Variants in ABCA10 observed in about 807,000 individuals in gnomAD.
ABCA10 encodes the protein ATP-binding cassette sub-family A member 10.
Under a neutral mutation model 187.5 loss-of-function variants are expected in ABCA10, and 169 were observed. The ratio of observed to expected loss-of-function variants is 0.90; its 90% confidence interval spans 0.80 to 1.02. ABCA10 has a LOEUF of 1.02. Ranked by LOEUF, ABCA10 falls within the 50% of genes least tolerant of loss-of-function variation. The probability of loss-of-function intolerance (pLI) is 0.00; values close to 1 mark genes in which losing one functional copy is unlikely to be tolerated. For synonymous variants in ABCA10, 574 were observed against 601.8 expected (o/e 0.95, Z 0.68); for missense variants, 1,727 against 1,812.4 (o/e 0.95, Z 0.86).
At chr17:69,159,557 C>T (rs1216966880) in intron 27 of ABCA10, among the ~76,000 whole-genome samples, 3 of 152,080 alleles carry the variant, frequency 2.0e-5, no homozygotes, top group Non-Finnish European at 4.4e-5. Flanking sequence ...GGAGAGGATT[C>T]ATCACTCAGA....
chr17:69,239,497 C>T (rs910271493), intron 1 of ABCA10, among the ~76,000 whole-genome samples: 1 of 152,124 alleles, frequency 6.6e-6, no homozygotes, highest in African/African-American at 2.4e-5. Context: ...CTTTCTCAGA[C>T]TGTTATTTAA....
At chr17:69,159,853 T>TCTTCAACAAG (rs1357057241) in intron 27 of ABCA10, among the ~76,000 whole-genome samples, 3 of 152,104 alleles carry the variant, frequency 2.0e-5, no homozygotes, top group Admixed American at 2.0e-4. Context: ...CTCCCATATA[T>TCTTCAACAAG]GCTCAAATAA....
intron 9 of ABCA10, among the ~76,000 whole-genome samples, chr17:69,209,688 G>T (rs1044459785): frequency 3.4e-5 from 5 of 145,622 alleles, no homozygotes; most frequent in African/African-American, 1.3e-4. Context: ...GTACAGTCAC[G>T]TGTCACTGAA....
In ABCA10 at chr17:69,148,687, A is replaced by C. The variant is rs2074106350; in HGVS notation, c.*140T>G. ...TTGTTTCCTTCATCCTAAATTTTTAAAAATGAAAACTGTAATCATTATTGA... is the reference window on the plus strand; with the variant it reads ...TTGTTTCCTTCATCCTAAATTTTTACAAATGAAAACTGTAATCATTATTGA... On this transcript the variant is annotated 3_prime_UTR_variant, in exon 39 of 39. Coordinates refer to ENST00000690296, the MANE Select transcript of ABCA10 (RefSeq NM_001377321.1). 5.2e-6 allele frequency: 4 copies of C among 763,364 alleles called. No homozygotes were observed. The South Asian group carries it at 8.9e-5, about 17-fold the overall frequency. 47.3% of individuals were successfully genotyped at this position (763,364 alleles called of 1,614,324 possible).
At chr17:69,242,781 A>ACTAT (rs574382866) in intron 1 of ABCA10, among the ~76,000 whole-genome samples, 7 of 152,330 alleles carry the variant, frequency 4.6e-5, no homozygotes, top group African/African-American at 1.7e-4. Flanking sequence ...AGCACGTTAT[A>ACTAT]CTATAGTCAC....
rs748959919 is a variant in ABCA10 at position 69,185,478 on chromosome 17, T to C, written c.2496A>G (p.Thr832=). 3.7e-6 allele frequency: 6 copies of C among 1,610,744 alleles called. No homozygotes were observed. Among genetic ancestry groups the C allele is most frequent in the South Asian group, 3.3e-5 (3 of 90,658 alleles). ...CTAAATTTCAGCCCCATTTCTCACC[T>C]GTATTATTAACGATTAACAGGCTGG... is the stretch of plus-strand genomic sequence containing the variant. ...PLTSLLIVNN[T]GSNIEDLVHS... is the part of the protein sequence containing the mutation. Residue 832 remains threonine, a splice_region_variant and synonymous_variant, in exon 20 of 39, where the codon ACA becomes ACG. Transcript: ENST00000690296.
chr17:69,174,429 A>C (rs2074318667), intron 24 of ABCA10, 35 bp from the exon 25 acceptor site: 1 of 1,526,384 alleles, frequency 6.6e-7, no homozygotes, highest in South Asian at 1.2e-5. Flanking sequence ...AAGATTAGAA[A>C]TGGCAGGTCA....
chr17:69,156,767 A>G, intron 28 of ABCA10, 65 bp downstream of exon 28: 1 of 1,019,196 alleles, frequency 9.8e-7, no homozygotes, highest in Non-Finnish European at 1.3e-6. Context: ...AAATAAATGA[A>G]ATTATAAATT....
chr17:69,240,099 A>C (rs904569105), intron 1 of ABCA10, among the ~76,000 whole-genome samples: 2 of 152,138 alleles, frequency 1.3e-5, no homozygotes, highest in Non-Finnish European at 2.9e-5. Flanking sequence ...ACTCTGAATA[A>C]ACTCTTATCC....
At position 69,215,794 on chromosome 17, in the gene ABCA10, T is replaced by C. The variant is rs753237137; in HGVS notation, c.858+21A>G. The stretch of plus-strand genomic sequence containing the variant: ...ATTTTGAAAATCTAATAATAAAATC[T>C]TGAAATAATTATGTTCTTACCTGGG... On this transcript the variant is annotated intron_variant, in intron 8 of 38. Coordinates refer to ENST00000690296, the MANE Select transcript of ABCA10 (RefSeq NM_001377321.1). 5.5e-6 allele frequency: 8 copies of C among 1,445,384 alleles called. No individual in the cohort carries two copies. The East Asian group carries it at 2.1e-4, about 37-fold the overall frequency. 89.5% of individuals were successfully genotyped at this position (1,445,384 alleles called of 1,614,324 possible).
At chr17:69,196,796 C>A (rs974903231) in intron 11 of ABCA10, among the ~76,000 whole-genome samples, 1 of 152,160 alleles carries the variant, frequency 6.6e-6, no homozygotes, top group Admixed American at 6.5e-5. Flanking sequence ...AGATCACTCG[C>A]GGTTAGGAGC....
At chr17:69,166,075 T>C (rs1295265147) in intron 25 of ABCA10, among the ~76,000 whole-genome samples, 1 of 152,168 alleles carries the variant, frequency 6.6e-6, no homozygotes, top group Non-Finnish European at 1.5e-5. Flanking sequence ...ACTGTACTAC[T>C]GTAATAATTT....
At chr17:69,163,879 A>G (rs1308340331) in intron 27 of ABCA10, among the ~76,000 whole-genome samples, 195 bp downstream of exon 27, 1 of 152,170 alleles carries the variant, frequency 6.6e-6, no homozygotes, top group Non-Finnish European at 1.5e-5. Context: ...AAACCTTTAA[A>G]TGTTCTAGTA....
intron 1 of ABCA10, among the ~76,000 whole-genome samples, chr17:69,235,624 T>A (rs374242184): frequency 6.6e-6 from 1 of 152,078 alleles, no homozygotes; most frequent in African/African-American, 2.4e-5. Flanking sequence ...CAGAAAGGTA[T>A]CCCTTTGGCA....
intron 9 of ABCA10, among the ~76,000 whole-genome samples, chr17:69,203,696 T>C (rs1271021674): frequency 6.6e-6 from 1 of 152,206 alleles, no homozygotes; most frequent in Non-Finnish European, 1.5e-5. Context: ...AGAGCCTACA[T>C]ACACTACTAC....
chr17:69,216,620 T>C (rs1268533364), intron 6 of ABCA10, among the ~76,000 whole-genome samples: 1 of 152,214 alleles, frequency 6.6e-6, no homozygotes, highest in East Asian at 1.9e-4. Flanking sequence ...TAGTTTAGCA[T>C]GTGGCACAGA....
At chr17:69,221,720 G>C (rs1221121284) in intron 5 of ABCA10, 72 bp downstream of exon 5, 2 of 1,326,380 alleles carry the variant, frequency 1.5e-6, no homozygotes, top group East Asian at 4.9e-5. Context: ...GAGTAAGGTA[G>C]GGGATGAGGC....
chr17:69,210,867 C>T (rs2074641870), intron 9 of ABCA10, among the ~76,000 whole-genome samples: 1 of 109,916 alleles, frequency 9.1e-6, no homozygotes, highest in Admixed American at 9.6e-5. Flanking sequence ...TATATATATG[C>T]CATATTTCCT....
intron 1 of ABCA10, chr17:69,233,825 A>C (rs2074847011): frequency 6.6e-6 from 1 of 152,236 alleles, no homozygotes; most frequent in African/African-American, 2.4e-5. Context: ...GTTTGCTATG[A>C]GTCTTGGGAG....
Sources: allele counts gnomAD v4.1 joint callset (sites outside exome capture counted in the v4.1 genomes callset), GRCh38; gene constraint gnomAD v4.1.1; transcripts MANE v1.5; gene names NCBI Gene and HGNC (gene_info 2026-07-23, HGNC 2026-07-21).